NFATC1: variants seen among roughly 807,000 people sequenced by gnomAD.
NFATC1 encodes the protein nuclear factor of activated T cells 1, also known as nuclear factor of activated T-cells, cytoplasmic 1.
A neutral mutation model predicts 76.0 loss-of-function variants in NFATC1; 22 were observed. The observed-to-expected ratio is 0.29, with a 90% CI of 0.21 to 0.41. The LOEUF (loss-of-function observed/expected upper bound fraction) is 0.41. Among genes scored for constraint, NFATC1 ranks in the 10% least tolerant of loss-of-function variants. The probability of loss-of-function intolerance (pLI) is 1.00; values close to 1 mark genes in which losing one functional copy is unlikely to be tolerated. For missense variants in NFATC1, 1,357 were observed against 1,337.7 expected, an observed-to-expected ratio of 1.01 and a Z score of -0.23; for synonymous variants, 704 against 613.1, an observed-to-expected ratio of 1.15 and a Z score of -2.19.
At chr18:79,444,819 T>C (rs1266906910) in intron 3 of NFATC1, among the ~76,000 whole-genome samples, 1 of 151,756 alleles carries the variant, frequency 6.6e-6, no homozygotes, top group East Asian at 1.9e-4. Flanking sequence ...ACACGCACAC[T>C]TCTGGTGCAC....
rs2089229150 is a variant in NFATC1 at position 79,480,303 on chromosome 18, G to A, written c.2093-5945G>A. 2.0e-5 allele frequency among the ~76,000 whole-genome samples: 3 copies of A among 152,294 alleles called. No individual in the cohort carries two copies. In the South Asian group the frequency reaches 6.2e-4, roughly 32 times the overall value. On this transcript the variant is annotated intron_variant, in intron 8 of 9. Transcript: ENST00000427363. The stretch of plus-strand genomic sequence containing the variant: ...CTGTGGACTGGAGCCCCAGGCTTCA[G>A]AAAGAGAGGGAGCGCCTGCCTGTGG...
At chr18:79,425,157 G>A (rs1162469288) in intron 2 of NFATC1, among the ~76,000 whole-genome samples, 5 of 101,468 alleles carry the variant, frequency 4.9e-5, no homozygotes, top group African/African-American at 1.6e-4. Context: ...GTCTCTCTCC[G>A]TCTCTGTCTC....
intron 9 of NFATC1, among the ~76,000 whole-genome samples, chr18:79,510,698 C>G (rs1660139): frequency 2.0e-5 from 3 of 152,188 alleles, no homozygotes; most frequent in African/African-American, 7.2e-5. Context: ...TGGGAGCGGT[C>G]GGTTGATAGA....
intron 9 of NFATC1, among the ~76,000 whole-genome samples, chr18:79,510,335 C>G (rs1024130305): frequency 1.3e-5 from 2 of 152,080 alleles, no homozygotes; most frequent in Non-Finnish European, 2.9e-5. Flanking sequence ...AAAAAAAAAC[C>G]ACATATGGGG....
At chr18:79,447,537 C>T (rs916772450) in intron 3 of NFATC1, among the ~76,000 whole-genome samples, 18 of 152,196 alleles carry the variant, frequency 1.2e-4, no homozygotes, top group Admixed American at 1.3e-4. Context: ...CGGGGCTGGG[C>T]GTTGCCACGG....
chr18:79,405,785 GTTTC>G (rs1256540311), intron 1 of NFATC1, among the ~76,000 whole-genome samples: 4 of 152,244 alleles, frequency 2.6e-5, no homozygotes, highest in African/African-American at 9.6e-5. Context: ...GCTTTATGGT[GTTTC>G]TTTGCCTCAT....
intron 9 of NFATC1, among the ~76,000 whole-genome samples, chr18:79,489,789 T>C (rs1465550368): frequency 1.3e-5 from 2 of 152,340 alleles, no homozygotes; most frequent in South Asian, 4.1e-4. Context: ...GCGCCAGCCC[T>C]GCACACTGTT....
At chr18:79,453,464 C>T (rs943970806) in intron 6 of NFATC1, among the ~76,000 whole-genome samples, 7 of 152,246 alleles carry the variant, frequency 4.6e-5, no homozygotes, top group Non-Finnish European at 8.8e-5. Flanking sequence ...CAGGACCAGC[C>T]CTGGCCTCAT....
chr18:79,445,493 C>G (rs926367645), intron 3 of NFATC1, among the ~76,000 whole-genome samples: 30 of 152,216 alleles, frequency 2.0e-4, no homozygotes, highest in African/African-American at 7.2e-4. Flanking sequence ...GAAGTGTCAC[C>G]TCTGGCTGCT....
chr18:79,478,641 C>T (rs957597589), intron 8 of NFATC1, among the ~76,000 whole-genome samples: 4 of 152,308 alleles, frequency 2.6e-5, no homozygotes, highest in South Asian at 2.1e-4. Context: ...ATGGCCGTGG[C>T]GGGGGCTTTG....
At chr18:79,512,577 C>A (rs2090282090) in intron 9 of NFATC1, among the ~76,000 whole-genome samples, 1 of 152,198 alleles carries the variant, frequency 6.6e-6, no homozygotes, top group Non-Finnish European at 1.5e-5. Flanking sequence ...GGAGGAGATG[C>A]CTGCAGTCGG....
chr18:79,486,207 C>G (rs535413238), intron 8 of NFATC1, 41 bp from the exon 9 acceptor site: 2 of 1,562,514 alleles, frequency 1.3e-6, no homozygotes, highest in South Asian at 2.4e-5. Flanking sequence ...CACACTCATT[C>G]GCAACTTGTG....
At chr18:79,400,781 A>C (rs1391411621) in intron 1 of NFATC1, among the ~76,000 whole-genome samples, 5 of 57,618 alleles carry the variant, frequency 8.7e-5, no homozygotes, top group South Asian at 6.3e-4. Context: ...GCTCCCCCAG[A>C]CACCCTCTCC....
At chr18:79,446,480 G>C (rs1441383152) in intron 3 of NFATC1, among the ~76,000 whole-genome samples, 4 of 152,164 alleles carry the variant, frequency 2.6e-5, no homozygotes. Flanking sequence ...TCGGAAAATG[G>C]AATACTGCGT....
chr18:79,407,439 CTTATTGAT>C (rs573802548), intron 1 of NFATC1, among the ~76,000 whole-genome samples: 94 of 152,220 alleles, frequency 6.2e-4, no homozygotes, highest in South Asian at 2.3e-3. Flanking sequence ...GAAAGACCTC[CTTATTGAT>C]TTATTGATTT....
At chr18:79,493,946 C>T (rs531860279) in intron 9 of NFATC1, 5 of 152,326 alleles carry the variant, frequency 3.3e-5, no homozygotes, top group African/African-American at 1.2e-4. Context: ...GCCGGGTGCT[C>T]CGGAGGCCGC....
At chr18:79,448,453 T>C (rs1321218331) in intron 3 of NFATC1, 2 of 367,736 alleles carry the variant, frequency 5.4e-6, no homozygotes, top group African/African-American at 4.1e-5. Flanking sequence ...AAGCGAGCCT[T>C]GCACATGGCT....
intron 9 of NFATC1, among the ~76,000 whole-genome samples, chr18:79,501,572 T>C (rs958331267): frequency 7.2e-5 from 11 of 152,082 alleles, no homozygotes; most frequent in African/African-American, 2.4e-4. Context: ...CGTGATTCTA[T>C]ATGTAGAAAA....
rs2085659476 is a variant in NFATC1, at chr18:79,411,108, C to T, written c.833C>T (p.Ser278Leu). ...YSLNGRQPPYSPHHSPTPSPH... is the reference protein window; with the variant it reads ...YSLNGRQPPYLPHHSPTPSPH... ...CTCAACGGCCGGCAGCCGCCCTACT[C>T]ACCCCACCACTCGCCCACGCCGTCC... is the stretch of plus-strand genomic sequence containing the variant. Residue 278 changes from serine to leucine, a missense_variant, in exon 2 of 10, where the codon TCA becomes TTA. Ser to Leu is a moderately radical substitution (Grantham distance 145). This residue lies in a region of NFATC1 where 691 missense variants were observed against 613.1 expected (regional missense o/e 1.13). Transcript: ENST00000427363. The T allele has an allele frequency of 1.9e-6, 3 of 1,612,306 alleles. No individual in the cohort carries two copies. Among genetic ancestry groups the T allele is most frequent in the South Asian group, 1.1e-5 (1 of 91,072 alleles).
Sources: gnomAD v4.1 joint callset for allele counts (sites outside exome capture counted in the v4.1 genomes callset) on GRCh38, gnomAD v4.1.1 for gene constraint, gnomAD v4.1.1 regional missense constraint, MANE v1.5 for transcripts, NCBI Gene and HGNC (gene_info 2026-07-23, HGNC 2026-07-21) for gene names.